Variants in EML1 observed in about 807,000 individuals in gnomAD.
EML1 encodes the protein echinoderm microtubule-associated protein-like 1.
Under a neutral mutation model 110.4 loss-of-function variants are expected in EML1, and 27 were observed. That is an observed-to-expected ratio of 0.24 (90% confidence interval 0.18 to 0.34). EML1 has a LOEUF of 0.34. Ranked by LOEUF, EML1 falls within the 10% of genes least tolerant of loss-of-function variation. EML1 has a pLI of 1.00. For synonymous variants in EML1, 344 were observed against 385.8 expected (o/e 0.89, Z 1.27); for missense variants, 741 against 1,030.9 (o/e 0.72, Z 3.85).
At chr14:99,896,898 C>T (rs1164734422) in intron 6 of EML1, among the ~76,000 whole-genome samples, 2 of 152,072 alleles carry the variant, frequency 1.3e-5, no homozygotes, top group African/African-American at 4.8e-5. Context: ...CAATAGCTTT[C>T]TAAAAATAAA....
intron 17 of EML1, among the ~76,000 whole-genome samples, chr14:99,935,781 CAAAAAA>C (rs1160100015): frequency 1.4e-4 from 12 of 83,710 alleles, no homozygotes; most frequent in East Asian, 6.9e-4. Context: ...GACTCCGTCT[CAAAAAA>C]AAAAAAAAAA....
At chr14:99,765,575 A>T (rs935244612) in intron 1 of EML1, among the ~76,000 whole-genome samples, 1 of 152,156 alleles carries the variant, frequency 6.6e-6, no homozygotes, top group Non-Finnish European at 1.5e-5. Context: ...AAAGTTAAAA[A>T]TATTACATTG....
At chr14:99,869,117 T>A (rs376845405) in intron 3 of EML1, among the ~76,000 whole-genome samples, 4 of 152,240 alleles carry the variant, frequency 2.6e-5, no homozygotes, top group African/African-American at 9.6e-5. Context: ...AGCAAATACA[T>A]GCATGCCTCA....
At chr14:99,754,684 G>A (rs1024580444) in intron 1 of EML1, among the ~76,000 whole-genome samples, 1 of 152,186 alleles carries the variant, frequency 6.6e-6, no homozygotes. Context: ...CCCGGCACAG[G>A]GCAGAGAGCA....
chr14:99,928,209 ATGGTGATGGTGG>A (rs2060299592), intron 17 of EML1, among the ~76,000 whole-genome samples: 1 of 1,264 alleles, frequency 7.9e-4, no homozygotes. Context: ...GGTGGTGGTG[ATGGTGATGGTGG>A]TGGTGGTGGT....
At chr14:99,794,393 TTTG>T (rs1259622828) in intron 1 of EML1, among the ~76,000 whole-genome samples, 1 of 152,042 alleles carries the variant, frequency 6.6e-6, no homozygotes. Context: ...GCCCCAAAAG[TTTG>T]TTAATGGGAA....
intron 1 of EML1, among the ~76,000 whole-genome samples, chr14:99,849,767 C>T (rs919852966): frequency 2.0e-5 from 3 of 151,866 alleles, no homozygotes; most frequent in Admixed American, 6.6e-5. Context: ...AGGCTGGTCT[C>T]GAACACCTGA....
chr14:99,801,980 C>G (rs911253078), intron 1 of EML1, among the ~76,000 whole-genome samples: 1 of 152,160 alleles, frequency 6.6e-6, no homozygotes, highest in East Asian at 1.9e-4. Context: ...TTTTCACACT[C>G]ACTTCATGAC....
In EML1 at chr14:99,837,493, A is replaced by C. The variant is rs545549373; in HGVS notation, c.68-13360A>C. Among the ~76,000 whole-genome samples the C allele has an allele frequency of 2.2e-4, 34 of 152,346 alleles. 1 individual carries two copies. The Middle Eastern group carries it at 0.01, about 46-fold the overall frequency. ...GGCACTTTTTAAAAAGTAGCTACAG[A>C]ATGTCAAAAAGGATTAAAAATTTTT... On this transcript the variant is annotated intron_variant, in intron 1 of 21. Transcript: ENST00000262233.
chr14:99,845,527 G>A (rs1403536318), intron 1 of EML1, among the ~76,000 whole-genome samples: 3 of 152,200 alleles, frequency 2.0e-5, no homozygotes, highest in Admixed American at 6.5e-5. Flanking sequence ...TTAGTTCTAG[G>A]AGAGGAGGAG....
At chr14:99,931,523 C>T (rs1197639901) in intron 17 of EML1, among the ~76,000 whole-genome samples, 8 of 152,166 alleles carry the variant, frequency 5.3e-5, no homozygotes, top group Admixed American at 1.3e-4. Context: ...CTCTTGCTCC[C>T]GTGGCTTTAT....
exon 1 of EML1, chr14:99,773,549 A>G (rs2057448159): frequency 1.3e-5 from 2 of 152,402 alleles, no homozygotes; most frequent in South Asian, 2.1e-4. Flanking sequence ...TCAAAATGCC[A>G]TCTGACTACA....
chr14:99,927,097 C>T (rs1043124137), intron 17 of EML1, among the ~76,000 whole-genome samples: 1 of 152,184 alleles, frequency 6.6e-6, no homozygotes, highest in Non-Finnish European at 1.5e-5. Context: ...CTCCCCAACC[C>T]AAATCAGCAT....
chr14:99,818,277 TGA>T (rs1362541683), intron 1 of EML1, among the ~76,000 whole-genome samples: 1 of 151,980 alleles, frequency 6.6e-6, no homozygotes, highest in African/African-American at 2.4e-5. Context: ...TGCGGAGTGA[TGA>T]GAGTGATGGA....
chr14:99,764,882 A>G (rs1411054195), intron 1 of EML1, among the ~76,000 whole-genome samples: 1 of 152,160 alleles, frequency 6.6e-6, no homozygotes, highest in Non-Finnish European at 1.5e-5. Context: ...TTTTTACTAT[A>G]GCAAAATATA....
intron 1 of EML1, among the ~76,000 whole-genome samples, chr14:99,821,842 C>T (rs932542423): frequency 2.0e-5 from 3 of 152,164 alleles, no homozygotes; most frequent in Admixed American, 6.6e-5. Flanking sequence ...GCTAATATGT[C>T]GGTTTTATAA....
chr14:99,923,139 G>A (rs573429903), intron 17 of EML1, among the ~76,000 whole-genome samples: 1 of 151,980 alleles, frequency 6.6e-6, no homozygotes, highest in Admixed American at 6.6e-5. Context: ...ACAGGGTTTC[G>A]CCATGTTGCC....
chr14:99,929,621 T>C (rs1198695739), intron 17 of EML1, among the ~76,000 whole-genome samples: 1 of 152,212 alleles, frequency 6.6e-6, no homozygotes, highest in East Asian at 1.9e-4. Flanking sequence ...GTTTTCTGGT[T>C]ACACAAGATT....
upstream of EML1, among the ~76,000 whole-genome samples, chr14:99,789,567 C>A (rs2057638473): frequency 6.6e-6 from 1 of 152,212 alleles, no homozygotes. Flanking sequence ...CGGCTACCTG[C>A]AGTTCGGAAA....
Sources: allele counts gnomAD v4.1 joint callset (sites outside exome capture counted in the v4.1 genomes callset), GRCh38; gene constraint gnomAD v4.1.1; transcripts MANE v1.5; gene names NCBI Gene and HGNC (gene_info 2026-07-23, HGNC 2026-07-21).